PIEZO1: variants seen among roughly 807,000 people sequenced by gnomAD.
PIEZO1 encodes piezo-type mechanosensitive ion channel component 1.
In PIEZO1, 296 loss-of-function variants were observed where a neutral mutation model predicts 297.2. The ratio of observed to expected loss-of-function variants is 1.00; its 90% CI spans 0.91 to 1.10. The LOEUF is 1.10. Among genes scored for constraint, PIEZO1 ranks in the 50% least tolerant of loss-of-function variants. The pLI is 0.00. For missense variants in PIEZO1, 5,018 were observed against 3,455.5 expected (o/e 1.45, Z -11.34); for synonymous variants, 2,427 against 1,507.5 (o/e 1.61, Z -14.13).
At chr16:88,778,455 C>A (rs1034301791) in intron 1 of PIEZO1, among the ~76,000 whole-genome samples, 1 of 152,240 alleles carries the variant, frequency 6.6e-6, no homozygotes, top group Non-Finnish European at 1.5e-5. Flanking sequence ...CAGAGGGAGC[C>A]TGAAATACTC....
intron 34 of PIEZO1, 40 bp from the exon 35 acceptor site, chr16:88,722,729 C>T (rs1043961606): frequency 2.5e-5 from 39 of 1,531,036 alleles, no homozygotes; most frequent in Non-Finnish European, 3.1e-5. Flanking sequence ...GCGTCCAGCT[C>T]TTGTCCCCAC....
At position 88,721,237 on chromosome 16, in the gene PIEZO1, G is replaced by C. The variant is rs1424910533; in HGVS notation, c.5597C>G (p.Thr1866Arg). 13 of 1,540,836 alleles carry C rather than the reference G, an allele frequency of 8.4e-6. No individual in the cohort carries two copies. Among genetic ancestry groups the C allele is most frequent in the African/African-American group, 1.4e-5 (1 of 73,068 alleles). The stretch of plus-strand genomic sequence containing the variant: ...TCTAAAACGTAGACTGATGCGCCTC[G>C]TATCACGGGGCCTGAGCTCCACTTG... ...EPQVELRPRDTRRISLRFRRR... is the reference protein window; with the variant it reads ...EPQVELRPRDRRRISLRFRRR... Residue 1866 changes from threonine (T) to arginine (R), a missense_variant, in exon 39 of 51, where the codon ACG becomes AGG. By Grantham distance (71) the Thr-to-Arg change is moderately conservative. Coordinates refer to ENST00000301015, the MANE Select transcript of PIEZO1 (RefSeq NM_001142864.4).
At chr16:88,777,735 G>C (rs1315855448) in intron 1 of PIEZO1, among the ~76,000 whole-genome samples, 1 of 152,224 alleles carries the variant, frequency 6.6e-6, no homozygotes. Context: ...CAGACAGTGG[G>C]GGTCCCAGGC....
rs766231050 is a variant in PIEZO1, at chr16:88,721,793, G to A, written c.5214+15C>T. 3.1e-4 allele frequency: 474 copies of A among 1,526,328 alleles called. No individual in the cohort carries two copies. The highest frequency in any genetic ancestry group is 4.0e-4 in the Non-Finnish European group (456 of 1,135,862). The allele number at this position is 1,526,328 out of a possible 1,614,324, so 94.5% of individuals were successfully genotyped here. On this transcript the variant is annotated intron_variant, in intron 37 of 50. Coordinates refer to ENST00000301015, the MANE Select transcript of PIEZO1 (RefSeq NM_001142864.4). ...CGGTGGGCCGGGCGCCCCCTCCCCC[G>A]CGGCCTCGGCCCACCTCGGTGAAGA...
chr16:88,756,367 A>G (rs1597476742), intron 1 of PIEZO1, among the ~76,000 whole-genome samples: 2 of 151,996 alleles, frequency 1.3e-5, no homozygotes, highest in Admixed American at 6.6e-5. Flanking sequence ...CAATGGCCGC[A>G]CTGGCCACTG....
At chr16:88,742,450 G>A in intron 2 of PIEZO1, 28 bp from the exon 3 acceptor site, 1 of 1,532,054 alleles carries the variant, frequency 6.5e-7, no homozygotes, top group African/African-American at 1.4e-5. Flanking sequence ...GGTGAGGCTG[G>A]TCCCGGGGAC....
Position 88,727,169 on chromosome 16 carries a change from C to T in PIEZO1, c.3325G>A (p.Ala1109Thr), listed in dbSNP as rs954133038. The T allele has an allele frequency of 2.9e-5, 45 of 1,544,734 alleles. No homozygotes were observed. The highest frequency in any genetic ancestry group is 5.9e-5 in the Admixed American group (3 of 50,774). ...LISDFLLLLC[A>T]SQQWQVFSAE... Reference sequence around the variant, plus strand: ...GAGAACACCTGCCACTGCTGGGAGGCGCACAGCAGCAGGAGAAAGTCGCCT... The same window carrying T: ...GAGAACACCTGCCACTGCTGGGAGGTGCACAGCAGCAGGAGAAAGTCGCCT... The change falls in exon 24 of 51, where the codon GCC becomes ACC. Residue 1109 changes from alanine (A) to threonine (T), a missense_variant. By Grantham distance (58) the Ala-to-Thr change is moderately conservative. Transcript: ENST00000301015.
intron 13 of PIEZO1, 25 bp downstream of exon 13, chr16:88,735,109 AC>A: frequency 6.5e-7 from 1 of 1,546,014 alleles, no homozygotes; most frequent in South Asian, 1.2e-5. Context: ...CAGGAGGGCA[AC>A]CCCCGCCTCT....
chr16:88,723,893 G>T lies in PIEZO1; in HGVS notation c.4313C>A (p.Pro1438Gln). ...EEEAVPEDPR[P>Q]SAQSAFQLAY... is the part of the protein sequence containing the mutation. The stretch of plus-strand genomic sequence containing the variant: ...CACCTGGAAGGCACTCTGTGCCGAC[G>T]GCCTCGGGTCTTCAGGAACAGCCTC... Residue 1438 changes from proline (P) to glutamine (Q), a missense_variant, in exon 31 of 51, where the codon CCG (proline) becomes CAG (glutamine). By Grantham distance (76) the Pro-to-Gln change is moderately conservative. Coordinates refer to ENST00000301015, the MANE Select transcript of PIEZO1 (RefSeq NM_001142864.4). The T allele has an allele frequency of 1.3e-6, 2 of 1,545,888 alleles. No homozygotes were observed. The highest frequency in any genetic ancestry group is 1.8e-6 in the Non-Finnish European group (2 of 1,142,796).
intron 5 of PIEZO1, chr16:88,738,951 G>C (rs535327662): frequency 3.4e-6 from 2 of 589,880 alleles, no homozygotes; most frequent in Non-Finnish European, 6.0e-6. Flanking sequence ...GTTCCTGCAG[G>C]CCTTCCTGGT....
At chr16:88,747,818 C>T (rs756689464) in intron 2 of PIEZO1, among the ~76,000 whole-genome samples, 3 of 152,266 alleles carry the variant, frequency 2.0e-5, no homozygotes, top group Non-Finnish European at 4.4e-5. Flanking sequence ...ACAGGGTTAC[C>T]GCAGGGGAGA....
chr16:88,784,359 G>T (rs1374678774), intron 1 of PIEZO1, among the ~76,000 whole-genome samples: 1 of 152,254 alleles, frequency 6.6e-6, no homozygotes, highest in East Asian at 1.9e-4. Context: ...GCAGAGGGGG[G>T]TGCAGCGGTG....
In PIEZO1 at chr16:88,723,163, A is replaced by C; in HGVS notation, c.4439-12T>G. 2 of 1,549,318 alleles carry C rather than the reference A, an allele frequency of 1.3e-6. No homozygotes were observed. Among genetic ancestry groups the C allele is most frequent in the Non-Finnish European group, 1.7e-6 (2 of 1,146,786 alleles). On this transcript the variant is annotated splice_polypyrimidine_tract_variant and intron_variant, in intron 32 of 50. Transcript: ENST00000301015. ...GCTGGGACCACCTCCTGGGCACAGG[A>C]TGCTGGTGAGTGACTGGCAGTCCCG...
intron 1 of PIEZO1, among the ~76,000 whole-genome samples, chr16:88,763,565 G>A (rs1407201075): frequency 6.6e-6 from 1 of 152,214 alleles, no homozygotes; most frequent in Non-Finnish European, 1.5e-5. Flanking sequence ...GACATGCCTC[G>A]TCACCTGGAG....
intron 22 of PIEZO1, 60 bp from the exon 23 acceptor site, chr16:88,727,721 G>A (rs1567667239): frequency 1.3e-6 from 1 of 783,400 alleles, no homozygotes; most frequent in Non-Finnish European, 1.9e-6. Flanking sequence ...GAGACACCCG[G>A]TCCCCACCCG....
intron 1 of PIEZO1, among the ~76,000 whole-genome samples, chr16:88,754,521 G>A (rs558621638): frequency 3.7e-4 from 56 of 152,262 alleles, no homozygotes; most frequent in Admixed American, 5.9e-4. Flanking sequence ...CCCAACCCTC[G>A]TTCCCTGTGG....
Position 88,734,343 on chromosome 16 carries a change from G to A in PIEZO1, c.2180+13C>T, listed in dbSNP as rs1268192050. On this transcript the variant is annotated intron_variant, in intron 16 of 50. Transcript: ENST00000301015. ...CACCTCTCCAGGGCCGGACAGGGAG[G>A]GCGGGGCCGCACCTGTGAGCCCAGC... 6.6e-7 allele frequency: 1 copy of A among 1,505,862 alleles called. No individual in the cohort carries two copies. Among genetic ancestry groups the A allele is most frequent in the East Asian group, 2.5e-5 (1 of 40,554 alleles). The allele number at this position is 1,505,862 out of a possible 1,614,324, so 93.3% of individuals were successfully genotyped here. A position where few individuals can be genotyped will look rare whatever the true frequency, so the allele number is the denominator to read the frequency against.
Position 88,716,716 on chromosome 16 carries a change from T to G in PIEZO1, c.6769A>C (p.Ile2257Leu). 6.5e-7 allele frequency: 1 copy of G among 1,548,300 alleles called. No homozygotes were observed. The highest frequency in any genetic ancestry group is 8.7e-7 in the Non-Finnish European group (1 of 1,146,834). The change falls in exon 47 of 51, where the codon ATC (isoleucine) becomes CTC (leucine). Residue 2257 changes from isoleucine to leucine, a missense_variant. By Grantham distance (5) the Ile-to-Leu change is conservative. Transcript: ENST00000301015. Reference protein sequence around the residue: ...FDPQPLAMQFISQYSPEDIVT... With the variant: ...FDPQPLAMQFLSQYSPEDIVT... The stretch of plus-strand genomic sequence containing the variant: ...ATGTCCTCAGGGCTGTACTGGCTGA[T>G]GAACTGCATGGCCAGCTGGGTACAA...
rs1908124307 is a variant in PIEZO1, at chr16:88,785,117, G to C, written c.-153C>G. 2.6e-6 allele frequency: 1 copy of C among 390,318 alleles called. No homozygotes were observed. Among genetic ancestry groups the C allele is most frequent in the Non-Finnish European group, 4.1e-6 (1 of 246,614 alleles). The allele number at this position is 390,318 out of a possible 1,614,324, so 24.2% of individuals were successfully genotyped here. ...TCCTTCTCCTTCGGCCGCCCCGCCG[G>C]TGCCGACGTCCCGGGCCCGCGCTCG... is the stretch of plus-strand genomic sequence containing the variant. On this transcript the variant is annotated 5_prime_UTR_variant, in exon 1 of 51. Coordinates refer to ENST00000301015, the MANE Select transcript of PIEZO1 (RefSeq NM_001142864.4).
Sources: gnomAD v4.1 joint callset for allele counts (sites outside exome capture counted in the v4.1 genomes callset) on GRCh38, gnomAD v4.1.1 for gene constraint, MANE v1.5 for transcripts, NCBI Gene and HGNC (gene_info 2026-07-23, HGNC 2026-07-21) for gene names.